LRRIQ1: variants seen among roughly 807,000 people sequenced by gnomAD.
The protein encoded by LRRIQ1 is leucine-rich repeat- and IQ domain-containing protein 1.
LRRIQ1 carries 210 observed loss-of-function variants against 211.9 expected under a neutral mutation model. That is an observed-to-expected ratio of 0.99 (90% CI 0.89 to 1.11). LRRIQ1 has a LOEUF of 1.11. Ranked by LOEUF, LRRIQ1 falls within the 50% of genes most tolerant of loss-of-function variation. LRRIQ1 has a pLI of 0.00. For synonymous variants in LRRIQ1, 699 were observed against 650.1 expected, an observed-to-expected ratio of 1.08 and a Z score of -1.14; for missense variants, 2,136 against 1,939.5, an observed-to-expected ratio of 1.10 and a Z score of -1.90.
intron 24 of LRRIQ1, among the ~76,000 whole-genome samples, chr12:85,228,234 C>A (rs1894765188): frequency 6.6e-6 from 1 of 152,120 alleles, no homozygotes; most frequent in Admixed American, 6.5e-5. Context: ...AGTGAACAGG[C>A]AACCTACAGA....
intron 6 of LRRIQ1, among the ~76,000 whole-genome samples, chr12:85,050,111 AT>A (rs1256859023): frequency 6.6e-6 from 1 of 152,174 alleles, no homozygotes; most frequent in African/African-American, 2.4e-5. Flanking sequence ...AATCTCACTT[AT>A]CACCAAGGGG....
intron 8 of LRRIQ1, among the ~76,000 whole-genome samples, chr12:85,057,985 A>T (rs974959368): frequency 6.6e-6 from 1 of 151,984 alleles, no homozygotes; most frequent in African/African-American, 2.4e-5. Context: ...TTAATAGATA[A>T]ACATTATTTT....
At chr12:85,199,783 G>T (rs1314136723) in intron 24 of LRRIQ1, among the ~76,000 whole-genome samples, 1 of 152,058 alleles carries the variant, frequency 6.6e-6, no homozygotes. Flanking sequence ...ACAAGAAACT[G>T]CACCCATGAT....
At chr12:85,083,908 A>G (rs1884553254) in intron 11 of LRRIQ1, among the ~76,000 whole-genome samples, 1 of 152,168 alleles carries the variant, frequency 6.6e-6, no homozygotes, top group Non-Finnish European at 1.5e-5. Flanking sequence ...TCTTAACAAT[A>G]AATTGTATTT....
Position 85,154,057 on chromosome 12 carries a change from A to G in LRRIQ1, c.4683A>G (p.Ala1561=), listed in dbSNP as rs186667018. The G allele has an allele frequency of 7.6e-5, 119 of 1,572,160 alleles. No individual in the cohort carries two copies. The highest frequency in any genetic ancestry group is 3.3e-4 in the African/African-American group (24 of 73,340). ...CTGCTCAGCAAATGTTGAAGAGGGC[A>G]CAGAAAATGAAATCGAAGAAACTAA... ...ISTAQQMLKR[A]QKMKSKKLKK... Residue 1561 remains alanine, a synonymous_variant, in exon 23 of 27, where the codon GCA becomes GCG. Transcript: ENST00000393217.
At chr12:85,057,283 G>T (rs997040613) in intron 8 of LRRIQ1, 99 bp downstream of exon 8, 38 of 951,026 alleles carry the variant, frequency 4.0e-5, no homozygotes, top group Admixed American at 3.5e-4. Flanking sequence ...TTGTATACAA[G>T]AATTGTCTCT....
intron 24 of LRRIQ1, among the ~76,000 whole-genome samples, chr12:85,192,993 T>TATA (rs1180867118): frequency 4.8e-5 from 3 of 62,652 alleles, no homozygotes; most frequent in East Asian, 6.8e-4. Context: ...AATTATATAA[T>TATA]ATAATATATA....
chr12:85,097,927 C>A (rs1886032169), intron 11 of LRRIQ1, among the ~76,000 whole-genome samples: 1 of 152,134 alleles, frequency 6.6e-6, no homozygotes, highest in Non-Finnish European at 1.5e-5. Context: ...TTCATTGGTT[C>A]TGTATTCAAA....
chr12:85,207,107 C>T (rs7306210), intron 24 of LRRIQ1, among the ~76,000 whole-genome samples: 17,357 of 152,142 alleles, frequency 0.11, 1,975 homozygotes, highest in African/African-American at 0.3. Context: ...AGAGGTCTTA[C>T]GGCATGAGTG....
chr12:85,059,739 A>T (rs1479942718), intron 8 of LRRIQ1, among the ~76,000 whole-genome samples: 7 of 152,002 alleles, frequency 4.6e-5, no homozygotes, highest in Non-Finnish European at 1.0e-4. Context: ...TATTTAATGT[A>T]GAGGACGGGT....
rs1283847547 is a variant in LRRIQ1, at chr12:85,153,041, A to T, written c.4437A>T (p.Lys1479Asn). The change falls in exon 21 of 27, where the codon AAA becomes AAT. Residue 1479 changes from lysine to asparagine, a missense_variant. Coordinates refer to ENST00000393217, the MANE Select transcript of LRRIQ1 (RefSeq NM_001079910.2). ...LHWPKIPGNL[K>N]WDDTSFNLPS... ...GTGAAAAGATTCCTGGAAACTTAAA[A>T]TGGGATGATACTTCATTTAATTTAC... 1 of 1,558,656 alleles carries T rather than the reference A, an allele frequency of 6.4e-7. No homozygotes were observed. Among genetic ancestry groups the T allele is most frequent in the Middle Eastern group, 1.7e-4 (1 of 5,926 alleles).
At chr12:85,129,957 A>C (rs2136485811) in intron 18 of LRRIQ1, among the ~76,000 whole-genome samples, 1 of 152,318 alleles carries the variant, frequency 6.6e-6, no homozygotes, top group South Asian at 2.1e-4. Context: ...AGAATATCAC[A>C]TTCCAGAATA....
Position 85,157,021 on chromosome 12 carries a change from T to C in LRRIQ1, c.4720+2927T>C, listed in dbSNP as rs989542740. Among the ~76,000 whole-genome samples the C allele has an allele frequency of 2.0e-4, 30 of 152,024 alleles. 1 individual carries two copies. The highest frequency in any genetic ancestry group is 8.3e-4 in the South Asian group (4 of 4,828). ...ATATTTTCTGTTTGTATTTTGTACA[T>C]GTTTTTATCAGTCAAGGGATATGAG... On this transcript the variant is annotated intron_variant, in intron 23 of 26. Transcript: ENST00000393217.
chr12:85,161,591 G>A (rs571893529), intron 24 of LRRIQ1, among the ~76,000 whole-genome samples: 21 of 152,130 alleles, frequency 1.4e-4, no homozygotes, highest in African/African-American at 4.8e-4. Flanking sequence ...CATCTTCATA[G>A]CACGATTGAA....
chr12:85,184,173 T>C (rs1439990343), intron 24 of LRRIQ1, among the ~76,000 whole-genome samples: 1 of 152,068 alleles, frequency 6.6e-6, no homozygotes, highest in Non-Finnish European at 1.5e-5. Flanking sequence ...ACTGAAATTC[T>C]TTCTTTTAAA....
In LRRIQ1 at chr12:85,052,208, A is replaced by G. The variant is rs749121098; in HGVS notation, c.710A>G (p.Tyr237Cys). Reference protein sequence around the residue: ...QEQDKMNDELYKEEKIWKEKF... With the variant: ...QEQDKMNDELCKEEKIWKEKF... ...CAGGACAAGATGAATGATGAACTCT[A>G]TAAAGAAGAGAAAATTTGGAAAGAG... The change falls in exon 7 of 27, where the codon TAT (tyrosine) becomes TGT (cysteine). Residue 237 changes from tyrosine to cysteine, a missense_variant. By Grantham distance (194) the Tyr-to-Cys change is radical (BLOSUM62 -2). Transcript: ENST00000393217. The G allele has an allele frequency of 1.3e-5, 20 of 1,562,094 alleles. No homozygotes were observed. The highest frequency in any genetic ancestry group is 1.7e-5 in the Non-Finnish European group (19 of 1,145,576).
At chr12:85,211,258 G>A (rs1003644682) in intron 24 of LRRIQ1, among the ~76,000 whole-genome samples, 2 of 152,076 alleles carry the variant, frequency 1.3e-5, no homozygotes, top group African/African-American at 2.4e-5. Flanking sequence ...ATTATAGAAC[G>A]AATCATTCTT....
At chr12:85,122,837 C>T (rs992233714) in intron 16 of LRRIQ1, among the ~76,000 whole-genome samples, 2 of 151,962 alleles carry the variant, frequency 1.3e-5, no homozygotes, top group Non-Finnish European at 2.9e-5. Flanking sequence ...ATAATATTTA[C>T]TTGTATATAT....
At chr12:85,265,770 T>TC (rs1896405459), downstream of LRRIQ1, among the ~76,000 whole-genome samples, 1 of 151,984 alleles carries the variant, frequency 6.6e-6, no homozygotes, top group Admixed American at 6.6e-5. Flanking sequence ...ATATCTTGTT[T>TC]CTTTTTAATT....
Sources: gnomAD v4.1 joint callset for allele counts (sites outside exome capture counted in the v4.1 genomes callset) on GRCh38, gnomAD v4.1.1 for gene constraint, MANE v1.5 for transcripts, NCBI Gene and HGNC (gene_info 2026-07-23, HGNC 2026-07-21) for gene names.